Variants in MRO observed in about 807,000 individuals in gnomAD.
MRO encodes the protein maestro.
A neutral mutation model predicts 31.0 loss-of-function variants in MRO; 28 were observed. That is an observed-to-expected ratio of 0.90 (90% CI 0.67 to 1.24). The LOEUF (loss-of-function observed/expected upper bound fraction) is 1.24. Among genes scored for constraint, MRO ranks in the 50% most tolerant of loss-of-function variants. MRO has a pLI of 0.00. For synonymous variants in MRO, 108 were observed against 108.4 expected, an observed-to-expected ratio of 1.00 and a Z score of 0.02; for missense variants, 332 against 289.2, an observed-to-expected ratio of 1.15 and a Z score of -1.07.
chr18:50,801,479 G>T lies in MRO; in HGVS notation c.455C>A (p.Ala152Asp), dbSNP rs1913312313. 1 of 1,607,734 alleles carries T rather than the reference G, an allele frequency of 6.2e-7. No homozygotes were observed. The highest frequency in any genetic ancestry group is 8.5e-7 in the Non-Finnish European group (1 of 1,177,316). ...DDENDSLRYS[A>D]FVLFGQLAAF... is the part of the protein sequence containing the mutation. ...AGCCAATTGCCCAAACAAAACAAAG[G>T]CCGAGTATCTCAGACTGTCGTTCTC... The change falls in exon 6 of 8, where the codon GCC (alanine) becomes GAC (aspartate). Residue 152 changes from alanine to aspartate, a missense_variant. Physicochemically the swap from Ala to Asp is moderately radical, Grantham distance 126. Transcript: ENST00000398439.
At chr18:50,808,271 C>T (rs901279218) in intron 3 of MRO, among the ~76,000 whole-genome samples, 10 of 151,906 alleles carry the variant, frequency 6.6e-5, no homozygotes, top group Admixed American at 2.6e-4. Flanking sequence ...ATCAAGATGA[C>T]GAAATATCCA....
intron 4 of MRO, 34 bp from the exon 5 acceptor site, chr18:50,805,370 A>C: frequency 6.3e-7 from 1 of 1,590,060 alleles, no homozygotes; most frequent in Non-Finnish European, 8.6e-7. Flanking sequence ...GTAATAGCAC[A>C]GGAACTGCTC....
rs61209512 is a variant in MRO at position 50,808,275 on chromosome 18, A to G, written c.99+1027T>C. ...CTAGAGTCAGAATCAAGATGACGAA[A>G]TATCCAGACAAGATCAAAGAAGACA... On this transcript the variant is annotated intron_variant, in intron 3 of 7. Transcript: ENST00000398439. 6.3e-3 allele frequency among the ~76,000 whole-genome samples: 956 copies of G among 152,174 alleles called. 11 individuals are homozygous for G. The highest frequency in any genetic ancestry group is 0.022 in the African/African-American group (913 of 41,526).
At chr18:50,818,896 T>G (rs1265376747) in intron 2 of MRO, among the ~76,000 whole-genome samples, 1 of 151,782 alleles carries the variant, frequency 6.6e-6, no homozygotes, top group Non-Finnish European at 1.5e-5. Flanking sequence ...CTACTAAAAA[T>G]ACAAAAATTA....
At chr18:50,819,813 A>G in intron 1 of MRO, 84 bp downstream of exon 1, 1 of 1,540,368 alleles carries the variant, frequency 6.5e-7, no homozygotes, top group Non-Finnish European at 8.8e-7. Context: ...GTCAAAGTTT[A>G]TAGAGTATTT....
chr18:50,801,435 A>T lies in MRO; in HGVS notation c.499T>A (p.Trp167Arg). ...GQLAAFAGRK[W>R]KKFFTSQVKQ... ...ACCTGACTGGTGAAAAATTTTTTCCATTTCCTCCCGGCAAAGGCAGCCAAT... is the reference window on the plus strand; with the variant it reads ...ACCTGACTGGTGAAAAATTTTTTCCTTTTCCTCCCGGCAAAGGCAGCCAAT... Residue 167 changes from tryptophan (W) to arginine (R), a missense_variant, in exon 6 of 8, where the codon TGG becomes AGG. Coordinates refer to ENST00000398439, the MANE Select transcript of MRO (RefSeq NM_031939.6). 2 of 1,612,380 alleles carry T rather than the reference A, an allele frequency of 1.2e-6. No individual in the cohort carries two copies. Among genetic ancestry groups the T allele is most frequent in the South Asian group, 2.2e-5 (2 of 90,848 alleles).
Position 50,807,955 on chromosome 18 carries a change from G to A in MRO, c.100-1105C>T, listed in dbSNP as rs560678284. Among the ~76,000 whole-genome samples, 12 of 152,296 alleles carry A rather than the reference G, an allele frequency of 7.9e-5. No homozygotes were observed. In the East Asian group the frequency reaches 1.7e-3, roughly 22 times the overall value. On this transcript the variant is annotated intron_variant, in intron 3 of 7. Coordinates refer to ENST00000398439, the MANE Select transcript of MRO (RefSeq NM_031939.6). The stretch of plus-strand genomic sequence containing the variant: ...CAAAAAATTAGCTGGGCATGGTGGC[G>A]AATGCCTGTGATCCCAGCTACTTGG...
chr18:50,816,567 T>C (rs1476605512), intron 2 of MRO, among the ~76,000 whole-genome samples: 1 of 152,234 alleles, frequency 6.6e-6, no homozygotes, highest in African/African-American at 2.4e-5. Context: ...TTGCTAACGT[T>C]AGCTGTAAAG....
chr18:50,804,747 G>C (rs1435773132), intron 5 of MRO, among the ~76,000 whole-genome samples: 2 of 152,082 alleles, frequency 1.3e-5, no homozygotes, highest in Admixed American at 6.5e-5. Context: ...GTGAATACTA[G>C]AGACCTTGTT....
At chr18:50,806,591 C>A in intron 4 of MRO, 113 bp downstream of exon 4, 3 of 1,307,788 alleles carry the variant, frequency 2.3e-6, no homozygotes, top group Non-Finnish European at 3.2e-6. Flanking sequence ...TGGTTTGTTC[C>A]GGGGTGATAG....
In MRO at chr18:50,797,629, T is replaced by A. The variant is rs968731836; in HGVS notation, c.*1708A>T. ...ACGTAACCCCACCCATCTCACCCTA[T>A]CCCCACCTTTTTGAATGCCAGCCAC... On this transcript the variant is annotated 3_prime_UTR_variant, in exon 8 of 8. Coordinates refer to ENST00000398439, the MANE Select transcript of MRO (RefSeq NM_031939.6). The A allele has an allele frequency of 6.6e-6, 1 of 152,148 alleles. No individual in the cohort carries two copies. The highest frequency in any genetic ancestry group is 1.5e-5 in the Non-Finnish European group (1 of 68,062). The allele number at this position is 152,148 out of a possible 1,614,324, so 9.4% of individuals were successfully genotyped here. A position where few individuals can be genotyped will look rare whatever the true frequency, so the allele number is the denominator to read the frequency against.
intron 2 of MRO, among the ~76,000 whole-genome samples, chr18:50,818,821 G>A (rs1366747751): frequency 1.3e-5 from 2 of 152,182 alleles, no homozygotes; most frequent in African/African-American, 4.8e-5. Flanking sequence ...GGGAGGCTGA[G>A]GCAGGCAGAT....
upstream of MRO, among the ~76,000 whole-genome samples, chr18:50,824,845 C>T (rs1357966927): frequency 2.7e-5 from 4 of 149,628 alleles, no homozygotes; most frequent in Admixed American, 1.3e-4. Flanking sequence ...GAGGCCGAGA[C>T]GGGAGGATCA....
chr18:50,823,292 CT>C (rs1422177667), upstream of MRO, among the ~76,000 whole-genome samples: 1 of 152,196 alleles, frequency 6.6e-6, no homozygotes, highest in Admixed American at 6.5e-5. Context: ...AAACAAAGGT[CT>C]TTTGGCTGCT....
intron 2 of MRO, among the ~76,000 whole-genome samples, chr18:50,811,256 C>A (rs1483985175): frequency 2.0e-5 from 3 of 152,194 alleles, no homozygotes; most frequent in Non-Finnish European, 4.4e-5. Flanking sequence ...ATGTAACATA[C>A]AATTAGTCAT....
chr18:50,806,600 A>G lies in MRO; in HGVS notation c.246+104T>C, dbSNP rs919529920. 14 of 1,359,560 alleles carry G rather than the reference A, an allele frequency of 1.0e-5. No individual in the cohort carries two copies. In the African/African-American group the frequency reaches 1.9e-4, roughly 18 times the overall value. 84.2% of individuals were successfully genotyped at this position (1,359,560 alleles called of 1,614,324 possible). On this transcript the variant is annotated intron_variant, in intron 4 of 7. Coordinates refer to ENST00000398439, the MANE Select transcript of MRO (RefSeq NM_031939.6). ...GTGCGGTGGTTTGTTCCGGGGTGAT[A>G]GATAACTAATACAACAGACACCATA...
At chr18:50,825,089 T>A (rs1378542423) in intron 1 of MRO, among the ~76,000 whole-genome samples, 53 of 138,046 alleles carry the variant, frequency 3.8e-4, no homozygotes, top group African/African-American at 1.2e-3. Context: ...AAAAAAAAAA[T>A]TAAAAAAAAA....
intron 2 of MRO, among the ~76,000 whole-genome samples, chr18:50,812,298 G>T (rs1369322865): frequency 6.6e-6 from 1 of 152,056 alleles, no homozygotes; most frequent in East Asian, 1.9e-4. Context: ...GTGCTTGTTG[G>T]TGATTTCTAT....
At chr18:50,822,138 A>C (rs1915324825), upstream of MRO, among the ~76,000 whole-genome samples, 1 of 152,216 alleles carries the variant, frequency 6.6e-6, no homozygotes, top group Non-Finnish European at 1.5e-5. Context: ...TAATGACTCT[A>C]TTTTCATTCT....
Sources: gnomAD v4.1 joint callset for allele counts (sites outside exome capture counted in the v4.1 genomes callset) on GRCh38, gnomAD v4.1.1 for gene constraint, MANE v1.5 for transcripts, NCBI Gene and HGNC (gene_info 2026-07-23, HGNC 2026-07-21) for gene names.